The following ANGPT4 variants were observed in gnomAD, a reference collection of about 807,000 sequenced individuals.
ANGPT4 encodes the protein angiopoietin-4.
A neutral mutation model predicts 53.0 loss-of-function variants in ANGPT4; 50 were observed. The observed-to-expected ratio is 0.94, with a 90% CI of 0.75 to 1.20. ANGPT4 has a LOEUF of 1.20. Ranked by LOEUF, ANGPT4 falls within the 50% of genes most tolerant of loss-of-function variation. ANGPT4 has a pLI of 0.00. For synonymous variants in ANGPT4, 251 were observed against 259.7 expected (o/e 0.97, Z 0.32); for missense variants, 648 against 637.1 (o/e 1.02, Z -0.18).
At position 870,533 on chromosome 20, in the gene ANGPT4, A is replaced by T. The variant is rs1436519562; in HGVS notation, c.*2427T>A. ...CAGAGTGAGACTCTGTCTCAAAAAAATAAAATAAAATTACATAAAGAACAG... is the reference window on the plus strand; with the variant it reads ...CAGAGTGAGACTCTGTCTCAAAAAATTAAAATAAAATTACATAAAGAACAG... On this transcript the variant is annotated 3_prime_UTR_variant, in exon 9 of 9. Coordinates refer to ENST00000381922, the MANE Select transcript of ANGPT4 (RefSeq NM_015985.4). 6.6e-6 allele frequency: 1 copy of T among 152,184 alleles called. No individual in the cohort carries two copies. Among genetic ancestry groups the T allele is most frequent in the African/African-American group, 2.4e-5 (1 of 41,418 alleles). The allele number at this position is 152,184 out of a possible 1,614,324, so 9.4% of individuals were successfully genotyped here.
At chr20:876,670 G>A (rs575725789) in intron 7 of ANGPT4, among the ~76,000 whole-genome samples, 4 of 152,362 alleles carry the variant, frequency 2.6e-5, no homozygotes, top group African/African-American at 7.2e-5. Flanking sequence ...CAGGGAAGTA[G>A]GGATGGAGTC....
At chr20:892,090 C>A (rs117594569) in intron 1 of ANGPT4, among the ~76,000 whole-genome samples, 1 of 151,838 alleles carries the variant, frequency 6.6e-6, no homozygotes, top group Non-Finnish European at 1.5e-5. Flanking sequence ...CAGCCCACCC[C>A]CTCCCTGCAG....
At chr20:912,149 G>A (rs1231452939) in intron 1 of ANGPT4, among the ~76,000 whole-genome samples, 1 of 152,150 alleles carries the variant, frequency 6.6e-6, no homozygotes. Flanking sequence ...TCATTCTGTG[G>A]GGCCATGAAG....
intron 4 of ANGPT4, among the ~76,000 whole-genome samples, chr20:883,745 G>A (rs1027857456): frequency 2.0e-5 from 3 of 152,250 alleles, no homozygotes; most frequent in South Asian, 2.1e-4. Flanking sequence ...TTACCAGTGG[G>A]TTAGTGGGAG....
At chr20:886,966 C>T (rs1981640993) in intron 3 of ANGPT4, among the ~76,000 whole-genome samples, 1 of 152,214 alleles carries the variant, frequency 6.6e-6, no homozygotes, top group Admixed American at 6.5e-5. Context: ...TCTGTATCCA[C>T]AGTGTCTACA....
At chr20:904,891 C>T (rs1399401185) in intron 1 of ANGPT4, among the ~76,000 whole-genome samples, 1 of 152,184 alleles carries the variant, frequency 6.6e-6, no homozygotes. Flanking sequence ...CTCACCTCAG[C>T]CTCCCAAAAC....
intron 1 of ANGPT4, among the ~76,000 whole-genome samples, chr20:895,864 A>G (rs1982026744): frequency 6.8e-6 from 1 of 147,480 alleles, no homozygotes; most frequent in Non-Finnish European, 1.5e-5. Flanking sequence ...AAATGTCAGA[A>G]TCTGTGATTG....
intron 4 of ANGPT4, among the ~76,000 whole-genome samples, chr20:881,773 C>T (rs777249255): frequency 2.6e-5 from 4 of 152,160 alleles, no homozygotes; most frequent in African/African-American, 7.2e-5. Context: ...TGCCAGGCTG[C>T]GGAGCCCAGA....
intron 7 of ANGPT4, among the ~76,000 whole-genome samples, chr20:877,945 T>A (rs1045715391): frequency 3.3e-5 from 5 of 152,304 alleles, no homozygotes; most frequent in African/African-American, 1.2e-4. Context: ...ACCAATGACA[T>A]TCTTTCCACT....
intron 1 of ANGPT4, among the ~76,000 whole-genome samples, chr20:898,578 GA>G (rs1363878438): frequency 6.6e-6 from 1 of 152,100 alleles, no homozygotes; most frequent in African/African-American, 2.4e-5. Context: ...CCCAACATTA[GA>G]AAAAGCTCCA....
chr20:910,878 G>C (rs1444619233), intron 1 of ANGPT4, among the ~76,000 whole-genome samples: 1 of 152,130 alleles, frequency 6.6e-6, no homozygotes, highest in Non-Finnish European at 1.5e-5. Flanking sequence ...GAGGGTATCT[G>C]TGCCAGCTGT....
intron 1 of ANGPT4, among the ~76,000 whole-genome samples, chr20:891,569 CT>C (rs1288238738): frequency 2.0e-5 from 3 of 152,228 alleles, no homozygotes; most frequent in Admixed American, 2.0e-4. Context: ...CCCCCCACCC[CT>C]GTCCCTGGCT....
At position 873,079 on chromosome 20, in the gene ANGPT4, C is replaced by T. The variant is rs532951868; in HGVS notation, c.1393G>A (p.Val465Ile). Reference sequence around the variant, plus strand: ...TTGTTGTCGGGAGCGTGGTAGTAGACGCCGTTGAGGTTTGACAGGCCACAG... The same window carrying T: ...TTGTTGTCGGGAGCGTGGTAGTAGATGCCGTTGAGGTTTGACAGGCCACAG... Reference protein sequence around the residue: ...DACGLSNLNGVYYHAPDNKYK... With the variant: ...DACGLSNLNGIYYHAPDNKYK... Residue 465 changes from valine (V) to isoleucine (I), a missense_variant, in exon 9 of 9, where the codon GTC (valine) becomes ATC (isoleucine). Val to Ile is a conservative substitution (Grantham distance 29). Transcript: ENST00000381922. 63 of 1,613,958 alleles carry T rather than the reference C, an allele frequency of 3.9e-5. No individual in the cohort carries two copies. The highest frequency in any genetic ancestry group is 2.9e-4 in the South Asian group (26 of 91,076).
intron 1 of ANGPT4, among the ~76,000 whole-genome samples, chr20:907,286 G>A (rs1982510382): frequency 6.6e-6 from 1 of 152,116 alleles, no homozygotes. Flanking sequence ...GGCAGGTCCA[G>A]TGTTCATCCC....
At chr20:912,108 T>C (rs1391295359) in intron 1 of ANGPT4, among the ~76,000 whole-genome samples, 1 of 152,046 alleles carries the variant, frequency 6.6e-6, no homozygotes, top group East Asian at 1.9e-4. Context: ...CTGGCCCTGG[T>C]TTTCCTCATT....
intron 1 of ANGPT4, among the ~76,000 whole-genome samples, chr20:903,018 G>A (rs1982344141): frequency 6.6e-6 from 1 of 152,208 alleles, no homozygotes; most frequent in Non-Finnish European, 1.5e-5. Flanking sequence ...TGATTTGGAA[G>A]GCTGGGAGGT....
intron 1 of ANGPT4, among the ~76,000 whole-genome samples, chr20:895,175 G>T (rs1413481264): frequency 6.6e-6 from 1 of 152,176 alleles, no homozygotes; most frequent in Non-Finnish European, 1.5e-5. Context: ...CCCAGCGTGG[G>T]ATCTACTTCT....
Position 874,274 on chromosome 20 carries a change from C to T in ANGPT4, c.1351+10G>A, listed in dbSNP as rs961369812. 1 of 1,613,738 alleles carries T rather than the reference C, an allele frequency of 6.2e-7. No individual in the cohort carries two copies. The highest frequency in any genetic ancestry group is 1.3e-5 in the African/African-American group (1 of 74,916). ...TGGGTGGGCGGAGCTTCACCCCACC[C>T]TGCACCTACCTCCAGACATCACTTG... is the stretch of plus-strand genomic sequence containing the variant. On this transcript the variant is annotated intron_variant, in intron 8 of 8. Transcript: ENST00000381922.
At chr20:899,424 A>ATT (rs1210698682) in intron 1 of ANGPT4, among the ~76,000 whole-genome samples, 1 of 147,458 alleles carries the variant, frequency 6.8e-6, no homozygotes, top group African/African-American at 2.5e-5. Flanking sequence ...ATTTTTTTGT[A>ATT]TTTTTTTTTT....
Sources: gnomAD v4.1 joint callset for allele counts (sites outside exome capture counted in the v4.1 genomes callset) on GRCh38, gnomAD v4.1.1 for gene constraint, MANE v1.5 for transcripts, NCBI Gene and HGNC (gene_info 2026-07-23, HGNC 2026-07-21) for gene names.